The following TCTN2 variants were observed in gnomAD, a reference collection of about 807,000 sequenced individuals.
TCTN2 encodes tectonic-2.
In TCTN2, 66 loss-of-function variants were observed where a neutral mutation model predicts 83.4. The observed-to-expected ratio is 0.79, with a 90% confidence interval of 0.65 to 0.97. The LOEUF is 0.97. Ranked by LOEUF, TCTN2 falls within the 50% of genes least tolerant of loss-of-function variation. TCTN2 has a pLI of 0.00. For synonymous variants in TCTN2, 301 were observed against 326.7 expected (o/e 0.92, Z 0.85); for missense variants, 794 against 858.1 (o/e 0.93, Z 0.93).
rs546110863 is a variant in TCTN2 at position 123,680,585 on chromosome 12, C to T, written c.564+1296C>T. ...AGGCTGGAGTGCAGTGACACGATCTCGGGTCACTGCAACCTCCACCTCCTG... is the reference window on the plus strand; with the variant it reads ...AGGCTGGAGTGCAGTGACACGATCTTGGGTCACTGCAACCTCCACCTCCTG... On this transcript the variant is annotated intron_variant, in intron 5 of 17. Coordinates refer to ENST00000303372, the MANE Select transcript of TCTN2 (RefSeq NM_024809.5). Among the ~76,000 whole-genome samples the T allele has an allele frequency of 6.7e-5, 10 of 149,236 alleles. No individual in the cohort carries two copies. The East Asian group carries it at 1.0e-3, about 15-fold the overall frequency.
chr12:123,704,817 T>TCCA (rs1378631902), intron 15 of TCTN2, 129 bp downstream of exon 15: 19 of 966,694 alleles, frequency 2.0e-5, no homozygotes, highest in Non-Finnish European at 3.1e-5. Context: ...AGCAAGATGT[T>TCCA]TATATGCACA....
intron 9 of TCTN2, among the ~76,000 whole-genome samples, chr12:123,694,171 T>C (rs1956080197): frequency 6.6e-6 from 1 of 151,954 alleles, no homozygotes; most frequent in Admixed American, 6.5e-5. Flanking sequence ...TTTTTTGTAT[T>C]GTTAGTAGAG....
At chr12:123,696,841 A>AGT (rs1468944079) in intron 12 of TCTN2, 1 of 545,806 alleles carries the variant, frequency 1.8e-6, no homozygotes, top group African/African-American at 1.9e-5. Context: ...TCTGTGCTTC[A>AGT]GTGGTAATTA....
intron 8 of TCTN2, 127 bp from the exon 9 acceptor site, chr12:123,692,531 G>T: frequency 1.3e-6 from 1 of 744,606 alleles, no homozygotes. Context: ...GAGTGGGGAG[G>T]GTTTTGTAGT....
At chr12:123,683,410 G>T (rs890220529) in intron 5 of TCTN2, among the ~76,000 whole-genome samples, 2 of 150,980 alleles carry the variant, frequency 1.3e-5, no homozygotes, top group Admixed American at 1.3e-4. Context: ...CTCCCAAAGC[G>T]ATGGGATTAC....
At chr12:123,687,386 G>T (rs1267721118) in intron 6 of TCTN2, among the ~76,000 whole-genome samples, 2 of 152,148 alleles carry the variant, frequency 1.3e-5, no homozygotes, top group Non-Finnish European at 2.9e-5. Flanking sequence ...GGCCGGGAGC[G>T]GTGGCTCACG....
intron 14 of TCTN2, among the ~76,000 whole-genome samples, chr12:123,701,189 A>G (rs1956167886): frequency 6.6e-6 from 1 of 152,232 alleles, no homozygotes; most frequent in South Asian, 2.1e-4. Context: ...TTTATATGCA[A>G]TGTCCAGAAT....
intron 11 of TCTN2, 130 bp from the exon 12 acceptor site, chr12:123,696,285 C>G: frequency 1.3e-6 from 1 of 760,108 alleles, no homozygotes; most frequent in East Asian, 2.6e-5. Flanking sequence ...CCATCTTTCT[C>G]TCAAGGGTAT....
At chr12:123,707,527 C>A in intron 17 of TCTN2, 77 bp from the exon 18 acceptor site, 1 of 1,391,732 alleles carries the variant, frequency 7.2e-7, no homozygotes, top group Non-Finnish European at 1.0e-6. Flanking sequence ...AGTGAGCCAC[C>A]ACACCCAGCC....
chr12:123,695,182 A>G, intron 10 of TCTN2, 38 bp from the exon 11 acceptor site: 1 of 1,444,280 alleles, frequency 6.9e-7, no homozygotes, highest in Non-Finnish European at 9.7e-7. Flanking sequence ...TTCCTAGTGA[A>G]ATGGTGCACA....
rs577041539 is a variant in TCTN2 at position 123,690,638 on chromosome 12, A to G, written c.997A>G (p.Ile333Val). Residue 333 changes from isoleucine to valine, a missense_variant, in exon 8 of 18, where the codon ATT becomes GTT. By Grantham distance (29) the Ile-to-Val change is conservative. Coordinates refer to ENST00000303372, the MANE Select transcript of TCTN2 (RefSeq NM_024809.5). ...GGAACTATACCAAGAACGAGATGGT[A>G]TTATCAATGCGAAGATAAAGAATGT... ...NLELYQERDGIINAKIKNVAL... is the reference protein window; with the variant it reads ...NLELYQERDGVINAKIKNVAL... The G allele has an allele frequency of 2.5e-6, 4 of 1,614,206 alleles. No homozygotes were observed. The highest frequency in any genetic ancestry group is 2.7e-5 in the African/African-American group (2 of 75,056).
chr12:123,703,408 CT>C (rs1180092372), intron 14 of TCTN2, among the ~76,000 whole-genome samples: 1 of 152,136 alleles, frequency 6.6e-6, no homozygotes, highest in Non-Finnish European at 1.5e-5. Flanking sequence ...TCTCGAACTC[CT>C]GACCTCAGGT....
At chr12:123,697,919 G>A (rs1566259349) in intron 13 of TCTN2, among the ~76,000 whole-genome samples, 1 of 150,350 alleles carries the variant, frequency 6.7e-6, no homozygotes, top group Non-Finnish European at 1.5e-5. Context: ...CGGGTGCAGT[G>A]GTGCAATCAT....
intron 17 of TCTN2, 141 bp from the exon 18 acceptor site, chr12:123,707,463 A>T: frequency 1.3e-6 from 1 of 789,508 alleles, no homozygotes; most frequent in Non-Finnish European, 2.2e-6. Flanking sequence ...CTGGTCTCGA[A>T]CTGGCCTCAA....
intron 4 of TCTN2, among the ~76,000 whole-genome samples, chr12:123,674,760 G>A (rs919436645): frequency 1.3e-5 from 2 of 152,176 alleles, no homozygotes; most frequent in African/African-American, 4.8e-5. Flanking sequence ...GCATGATGGT[G>A]CCTGCCTGTA....
intron 5 of TCTN2, among the ~76,000 whole-genome samples, chr12:123,684,393 G>T (rs1402305999): frequency 6.8e-6 from 1 of 146,954 alleles, no homozygotes; most frequent in Non-Finnish European, 1.5e-5. Flanking sequence ...CATTAATATT[G>T]TCATTCTTTT....
At chr12:123,677,286 G>C (rs150133054) in intron 4 of TCTN2, among the ~76,000 whole-genome samples, 38 of 152,302 alleles carry the variant, frequency 2.5e-4, no homozygotes, top group Non-Finnish European at 4.7e-4. Flanking sequence ...CCTTCTCCTT[G>C]TTCCGGATAC....
chr12:123,672,959 A>G (rs536987184), intron 3 of TCTN2, among the ~76,000 whole-genome samples: 2 of 152,274 alleles, frequency 1.3e-5, no homozygotes, highest in Non-Finnish European at 2.9e-5. Context: ...CTGAGGCAGG[A>G]GAATCACTTG....
In TCTN2 at chr12:123,707,696, T is replaced by C; in HGVS notation, c.2077T>C (p.Cys693Arg). 1.2e-6 allele frequency: 2 copies of C among 1,614,064 alleles called. No homozygotes were observed. Among genetic ancestry groups the C allele is most frequent in the Non-Finnish European group, 1.7e-6 (2 of 1,179,932 alleles). ...CCTCAGCAACCCCTGGACCAGAATA[T>C]GCAAAGCCTATAGTTAGACAACCAC... ...LFLSNPWTRI[C>R]KAYS The change falls in exon 18 of 18, where the codon TGC becomes CGC. Residue 693 changes from cysteine (C) to arginine (R), a missense_variant. By Grantham distance (180) the Cys-to-Arg change is radical (BLOSUM62 -3). Transcript: ENST00000303372.
Sources: gnomAD v4.1 joint callset for allele counts (sites outside exome capture counted in the v4.1 genomes callset) on GRCh38, gnomAD v4.1.1 for gene constraint, MANE v1.5 for transcripts, NCBI Gene and HGNC (gene_info 2026-07-23, HGNC 2026-07-21) for gene names.